Variants in GPHN observed in about 807,000 individuals in gnomAD.
The protein encoded by GPHN is gephyrin.
GPHN carries 17 observed loss-of-function variants against 95.5 expected under a neutral mutation model. The observed-to-expected ratio is 0.18, with a 90% CI of 0.12 to 0.27. The LOEUF is 0.27. Among genes scored for constraint, GPHN ranks in the 10% least tolerant of loss-of-function variants. The pLI is 1.00. For synonymous variants in GPHN, 320 were observed against 322.5 expected, an observed-to-expected ratio of 0.99 and a Z score of 0.08; for missense variants, 660 against 978.1, an observed-to-expected ratio of 0.67 and a Z score of 4.34.
the GPHN span, among the ~76,000 whole-genome samples, chr14:67,497,260 T>C: frequency 1.5e-4 from 23 of 152,094 alleles, no homozygotes; most frequent in African/African-American, 5.6e-4. Context: ...GTCCCGAGGT[T>C]AGGCCAGATG....
the GPHN span, among the ~76,000 whole-genome samples, chr14:67,670,383 A>C: frequency 1.3e-5 from 2 of 152,086 alleles, no homozygotes; most frequent in South Asian, 4.2e-4. Context: ...GGAGTATTCC[A>C]TGTTTTACTC....
At chr14:67,383,031 A>G in the GPHN span, among the ~76,000 whole-genome samples, 2 of 152,302 alleles carry the variant, frequency 1.3e-5, no homozygotes, top group Non-Finnish European at 2.9e-5. Flanking sequence ...CTTGAAAGAT[A>G]CAGCCATTGG....
the GPHN span, among the ~76,000 whole-genome samples, chr14:67,389,906 A>G: frequency 6.6e-6 from 1 of 152,136 alleles, no homozygotes; most frequent in East Asian, 1.9e-4. Flanking sequence ...CAGAGAGGTC[A>G]ACTGGAGCTT....
intron 2 of GPHN, among the ~76,000 whole-genome samples, chr14:66,774,501 G>A (rs1407862255): frequency 3.3e-5 from 5 of 152,194 alleles, no homozygotes; most frequent in East Asian, 1.9e-4. Flanking sequence ...TAAACTTGTC[G>A]TGCTTCTCAA....
chr14:67,571,828 G>C, the GPHN span: 9 of 1,613,828 alleles, frequency 5.6e-6, no homozygotes, highest in Admixed American at 1.2e-4. Flanking sequence ...TCTCAGGCGA[G>C]TTTCCGAATC....
At chr14:66,660,963 G>C (rs1218956735) in intron 1 of GPHN, among the ~76,000 whole-genome samples, 4 of 152,142 alleles carry the variant, frequency 2.6e-5, no homozygotes, top group Admixed American at 2.6e-4. Context: ...CATTCCACCA[G>C]GGCCTTCGGT....
intron 10 of GPHN, among the ~76,000 whole-genome samples, chr14:67,031,000 T>TTTTG (rs61031989): frequency 0.022 from 3,264 of 150,224 alleles, 43 homozygotes; most frequent in Non-Finnish European, 0.027. Flanking sequence ...ATACTGGGGG[T>TTTTG]TTTGTTTGTT....
At chr14:67,322,413 G>A in the GPHN span, among the ~76,000 whole-genome samples, 1 of 152,172 alleles carries the variant, frequency 6.6e-6, no homozygotes, top group Admixed American at 6.5e-5. Flanking sequence ...AAATGTTACG[G>A]AAAATTGTTT....
At chr14:66,661,807 G>C (rs2065673808) in intron 1 of GPHN, among the ~76,000 whole-genome samples, 1 of 152,126 alleles carries the variant, frequency 6.6e-6, no homozygotes. Context: ...GTTGCTGTTT[G>C]GGCAACTCAG....
At chr14:67,251,143 G>A in the GPHN span, among the ~76,000 whole-genome samples, 10 of 152,172 alleles carry the variant, frequency 6.6e-5, no homozygotes, top group Non-Finnish European at 1.5e-4. Flanking sequence ...TGCTTTGTCT[G>A]TAATATAGCC....
the GPHN span, chr14:67,589,203 C>G: frequency 2.0e-5 from 5 of 251,870 alleles, no homozygotes; most frequent in Non-Finnish European, 3.1e-5. Context: ...TGTGTTCACA[C>G]TGAATTTGGG....
chr14:67,630,017 AG>A, the GPHN span, among the ~76,000 whole-genome samples: 1 of 152,166 alleles, frequency 6.6e-6, no homozygotes, highest in Admixed American at 6.5e-5. Context: ...CCTCGTTCTC[AG>A]TGTCTTCCTT....
intron 10 of GPHN, among the ~76,000 whole-genome samples, chr14:67,035,138 G>C (rs751732026): frequency 4.6e-5 from 7 of 151,712 alleles, no homozygotes; most frequent in Non-Finnish European, 8.8e-5. Context: ...AATTAAATGA[G>C]ACACTCTTGA....
chr14:66,686,434 G>T (rs547504677), intron 2 of GPHN, among the ~76,000 whole-genome samples: 1 of 152,266 alleles, frequency 6.6e-6, no homozygotes, highest in Admixed American at 6.5e-5. Flanking sequence ...GTTGAGCAGT[G>T]GTTTGTAGTT....
At chr14:67,010,821 A>G (rs2072955125) in intron 9 of GPHN, among the ~76,000 whole-genome samples, 1 of 152,186 alleles carries the variant, frequency 6.6e-6, no homozygotes, top group Admixed American at 6.5e-5. Flanking sequence ...AAGTTGGTCA[A>G]TGGTGCAACT....
At chr14:66,712,910 T>A (rs1019880594) in intron 2 of GPHN, among the ~76,000 whole-genome samples, 1 of 152,202 alleles carries the variant, frequency 6.6e-6, no homozygotes, top group Non-Finnish European at 1.5e-5. Context: ...TGTTGAGCAT[T>A]TTTTCATGTG....
At chr14:67,730,754 C>T in the GPHN span, among the ~76,000 whole-genome samples, 41 of 152,226 alleles carry the variant, frequency 2.7e-4, no homozygotes, top group African/African-American at 9.4e-4. Flanking sequence ...CAGGTGCCCG[C>T]CACCACACCT....
intron 18 of GPHN, among the ~76,000 whole-genome samples, chr14:67,155,807 AG>A (rs1318352416): frequency 6.6e-6 from 1 of 152,188 alleles, no homozygotes; most frequent in Non-Finnish European, 1.5e-5. Context: ...GATAAATAAA[AG>A]AAACCATACC....
At chr14:67,468,616 G>A in the GPHN span, among the ~76,000 whole-genome samples, 3 of 152,136 alleles carry the variant, frequency 2.0e-5, no homozygotes, top group Non-Finnish European at 2.9e-5. Flanking sequence ...AAAGGCAGGC[G>A]CCCACTGACT....
Sources: allele counts gnomAD v4.1 joint callset (sites outside exome capture counted in the v4.1 genomes callset), GRCh38; gene constraint gnomAD v4.1.1; transcripts MANE v1.5; gene names NCBI Gene and HGNC (gene_info 2026-07-23, HGNC 2026-07-21).